LAMA2: variants seen among roughly 807,000 people sequenced by gnomAD.
LAMA2 encodes the protein laminin subunit alpha 2.
A neutral mutation model predicts 364.8 loss-of-function variants in LAMA2; 269 were observed. That is an observed-to-expected ratio of 0.74 (90% CI 0.67 to 0.82). LAMA2 has a LOEUF of 0.82. Among genes scored for constraint, LAMA2 ranks in the 40% least tolerant of loss-of-function variants. The pLI is 0.00. For synonymous variants in LAMA2, 1,379 were observed against 1,370.6 expected, an observed-to-expected ratio of 1.01 and a Z score of -0.14; for missense variants, 3,807 against 3,873.2, an observed-to-expected ratio of 0.98 and a Z score of 0.45.
intron 29 of LAMA2, among the ~76,000 whole-genome samples, chr6:129,339,857 A>G (rs536065349): frequency 1.3e-5 from 2 of 151,950 alleles, no homozygotes; most frequent in Admixed American, 6.6e-5. Context: ...ACGAAAATTA[A>G]CTGGGCATGG....
At chr6:129,090,399 A>G (rs750854882) in intron 3 of LAMA2, among the ~76,000 whole-genome samples, 5 of 152,202 alleles carry the variant, frequency 3.3e-5, no homozygotes, top group Non-Finnish European at 2.9e-5. Flanking sequence ...AATTAATACT[A>G]TTATACTGAT....
intron 1 of LAMA2, among the ~76,000 whole-genome samples, chr6:128,996,472 A>G (rs1160512350): frequency 6.6e-6 from 1 of 152,220 alleles, no homozygotes; most frequent in East Asian, 1.9e-4. Context: ...AAAGGATATG[A>G]ACAGACACTT....
In LAMA2 at chr6:129,516,297, A is replaced by G. The variant is rs745875024; in HGVS notation, c.9319A>G (p.Lys3107Glu). The G allele has an allele frequency of 6.2e-7, 1 of 1,614,146 alleles. No homozygotes were observed. Among genetic ancestry groups the G allele is most frequent in the South Asian group, 1.1e-5 (1 of 91,088 alleles). ...TGKPLEVNFAKALELRGVQPV... is the reference protein window; with the variant it reads ...TGKPLEVNFAEALELRGVQPV... ...CAAGCCACTGGAGGTTAATTTTGCC[A>G]AGGCCCTGGAACTGAGGGGCGTTCA... Residue 3107 changes from lysine to glutamate, a missense_variant, in exon 65 of 65, where the codon AAG becomes GAG. Physicochemically the swap from Lys to Glu is moderately conservative, Grantham distance 56 (BLOSUM62 1). This residue lies in a region of LAMA2 where 3,333 missense variants were observed against 3,345.7 expected (regional missense o/e 1.00). Coordinates refer to ENST00000421865, the MANE Select transcript of LAMA2 (RefSeq NM_000426.4).
intron 17 of LAMA2, among the ~76,000 whole-genome samples, chr6:129,278,253 C>A (rs1788464905): frequency 6.6e-6 from 1 of 152,102 alleles, no homozygotes; most frequent in Non-Finnish European, 1.5e-5. Flanking sequence ...TTGTCAACCA[C>A]CATTGACAAG....
chr6:128,996,465 G>T (rs867200981), intron 1 of LAMA2, among the ~76,000 whole-genome samples: 2 of 152,118 alleles, frequency 1.3e-5, no homozygotes, highest in Admixed American at 6.5e-5. Context: ...AGTGGGCAAA[G>T]GATATGAACA....
At chr6:129,076,500 AAT>A (rs888351058) in intron 3 of LAMA2, among the ~76,000 whole-genome samples, 2 of 140,278 alleles carry the variant, frequency 1.4e-5, no homozygotes, top group African/African-American at 2.6e-5. Context: ...ATTATATATA[AAT>A]ATATATATAT....
At chr6:129,415,129 T>C (rs1780717664) in intron 40 of LAMA2, among the ~76,000 whole-genome samples, 1 of 152,214 alleles carries the variant, frequency 6.6e-6, no homozygotes, top group Non-Finnish European at 1.5e-5. Flanking sequence ...GTCCTCATTC[T>C]TCCCTTTAGC....
intron 4 of LAMA2, among the ~76,000 whole-genome samples, chr6:129,137,057 G>A (rs1777837696): frequency 6.6e-6 from 1 of 152,134 alleles, no homozygotes; most frequent in African/African-American, 2.4e-5. Flanking sequence ...TAGGGGTAGA[G>A]TTGTCAACGA....
In LAMA2 at chr6:128,962,185, T is replaced by TATATAC. The variant is rs1214826895; in HGVS notation, c.112+78829_112+78830insTATACA. Among the ~76,000 whole-genome samples, 326 of 103,904 alleles carry TATATAC rather than the reference T, an allele frequency of 3.1e-3. 12 individuals are homozygous for TATATAC. Among genetic ancestry groups the TATATAC allele is most frequent in the Non-Finnish European group, 3.9e-3 (197 of 50,020 alleles). The allele number at this position is 103,904 out of a possible 152,430, so 68.2% of individuals were successfully genotyped here. ...ATATATATATATATATATATATATA[T>TATATAC]ACACACATACACACACACATACACA... On this transcript the variant is annotated intron_variant, in intron 1 of 64. Coordinates refer to ENST00000421865, the MANE Select transcript of LAMA2 (RefSeq NM_000426.4).
chr6:129,174,197 TTTG>T, intron 9 of LAMA2, among the ~76,000 whole-genome samples: 1 of 152,078 alleles, frequency 6.6e-6, no homozygotes, highest in South Asian at 2.1e-4. Flanking sequence ...GAAAAATGTA[TTTG>T]TTTTCTTCAT....
intron 4 of LAMA2, among the ~76,000 whole-genome samples, chr6:129,104,386 A>G (rs1268159207): frequency 1.3e-5 from 2 of 152,234 alleles, no homozygotes; most frequent in African/African-American, 2.4e-5. Context: ...TAGTTAGACA[A>G]CAATGTTCAT....
chr6:129,201,767 A>G (rs903811695), intron 12 of LAMA2, among the ~76,000 whole-genome samples: 8 of 152,216 alleles, frequency 5.3e-5, no homozygotes, highest in Admixed American at 5.2e-4. Flanking sequence ...CAGAGCATAT[A>G]AGCCACTACC....
At chr6:129,455,096 A>C (rs1159797159) in intron 47 of LAMA2, among the ~76,000 whole-genome samples, 1 of 152,144 alleles carries the variant, frequency 6.6e-6, no homozygotes, top group Non-Finnish European at 1.5e-5. Context: ...AGCCATGTGC[A>C]ATGGCATGTG....
intron 40 of LAMA2, among the ~76,000 whole-genome samples, chr6:129,406,976 A>G (rs1780279323): frequency 6.6e-6 from 1 of 152,180 alleles, no homozygotes; most frequent in African/African-American, 2.4e-5. Context: ...CAGGAATCCA[A>G]AAGCTGAAGA....
chr6:129,481,583 G>T, intron 55 of LAMA2, 144 bp downstream of exon 55: 1 of 737,878 alleles, frequency 1.4e-6, no homozygotes. Context: ...TTCCATGCTG[G>T]CCTCCTATTT....
chr6:129,137,155 C>A (rs1777842555), intron 4 of LAMA2, among the ~76,000 whole-genome samples: 1 of 151,962 alleles, frequency 6.6e-6, no homozygotes, highest in Non-Finnish European at 1.5e-5. Flanking sequence ...CAGTTCTTGA[C>A]ATTTTATTAT....
chr6:129,270,760 C>G lies in LAMA2; in HGVS notation c.2450+9C>G. 6.2e-7 allele frequency: 1 copy of G among 1,612,498 alleles called. No individual in the cohort carries two copies. ...AATATCCCATCCAATAAGTAAGTAACAAACTTACCCCATGAATAAGCTCAG... is the reference window on the plus strand; with the variant it reads ...AATATCCCATCCAATAAGTAAGTAAGAAACTTACCCCATGAATAAGCTCAG... On this transcript the variant is annotated intron_variant, in intron 17 of 64. Transcript: ENST00000421865.
At chr6:129,174,116 A>G (rs1000279952) in intron 9 of LAMA2, among the ~76,000 whole-genome samples, 3 of 152,006 alleles carry the variant, frequency 2.0e-5, no homozygotes, top group Non-Finnish European at 4.4e-5. Context: ...CATGATTATT[A>G]TATATTTTGA....
chr6:128,993,440 A>G (rs980326376), intron 1 of LAMA2, among the ~76,000 whole-genome samples: 2 of 152,172 alleles, frequency 1.3e-5, no homozygotes, highest in Non-Finnish European at 2.9e-5. Flanking sequence ...GATTTTAGAC[A>G]TATTATATTG....
Sources: allele counts gnomAD v4.1 joint callset (sites outside exome capture counted in the v4.1 genomes callset), GRCh38; gene constraint gnomAD v4.1.1; regional missense constraint gnomAD v4.1.1; transcripts MANE v1.5; gene names NCBI Gene and HGNC (gene_info 2026-07-23, HGNC 2026-07-21).